FLT3: variants seen among roughly 807,000 people sequenced by gnomAD.
FLT3 encodes fms related receptor tyrosine kinase 3.
A neutral mutation model predicts 126.6 loss-of-function variants in FLT3; 46 were observed. The ratio of observed to expected loss-of-function variants is 0.36; its 90% CI spans 0.29 to 0.46. The LOEUF (loss-of-function observed/expected upper bound fraction) is 0.46, where lower values mean the gene tolerates loss of function less well. FLT3 is among the 20% of genes least tolerant of loss of function. The pLI, the probability that FLT3 is intolerant of heterozygous loss-of-function variation, is 1.00. For synonymous variants in FLT3, 404 were observed against 434.4 expected, an observed-to-expected ratio of 0.93 and a Z score of 0.87; for missense variants, 1,069 against 1,190.3, an observed-to-expected ratio of 0.90 and a Z score of 1.50.
chr13:28,006,694 A>G (rs1410219952), intron 23 of FLT3, among the ~76,000 whole-genome samples: 1 of 134,606 alleles, frequency 7.4e-6, no homozygotes, highest in African/African-American at 2.8e-5. Context: ...GTAATACATC[A>G]CTCTTTTCCA....
chr13:28,100,553 C>T lies in FLT3; in HGVS notation c.-43G>A. 1 of 1,190,390 alleles carries T rather than the reference C, an allele frequency of 8.4e-7. No homozygotes were observed. Among genetic ancestry groups the T allele is most frequent in the Non-Finnish European group, 1.0e-6 (1 of 955,892 alleles). 73.7% of individuals were successfully genotyped at this position (1,190,390 alleles called of 1,614,324 possible). On this transcript the variant is annotated 5_prime_UTR_variant, in exon 1 of 24. Coordinates refer to ENST00000241453, the MANE Select transcript of FLT3 (RefSeq NM_004119.3). The surrounding 1 kb of genome is among the most constrained non-coding windows in gnomAD (Gnocchi z 4.8). Reference sequence around the variant, plus strand: ...GTCCCCAGGCCGCGCCGGCCCAGCCCTGCGATGCCGCCTGGAGCGGCGCGC... The same window carrying T: ...GTCCCCAGGCCGCGCCGGCCCAGCCTTGCGATGCCGCCTGGAGCGGCGCGC...
In FLT3 at chr13:28,082,870, C is replaced by CT. The variant is rs540642027; in HGVS notation, c.44-12259dup. Among the ~76,000 whole-genome samples, 1,137 of 150,778 alleles carry CT rather than the reference C, an allele frequency of 7.5e-3. 7 individuals are homozygous for CT. The highest frequency in any genetic ancestry group is 0.013 in the Non-Finnish European group (859 of 67,530). The stretch of plus-strand genomic sequence containing the variant: ...AGGCACCCACCACCATGCCCAGCTA[C>CT]TTTTTTTTTGTATTTTTAGTAGAGA... On this transcript the variant is annotated intron_variant, in intron 1 of 23. Coordinates refer to ENST00000241453, the MANE Select transcript of FLT3 (RefSeq NM_004119.3).
At position 28,003,464 on chromosome 13, in the gene FLT3, T is replaced by C. The variant is rs1478898311; in HGVS notation, c.*588A>G. On this transcript the variant is annotated 3_prime_UTR_variant, in exon 24 of 24. Transcript: ENST00000241453. ...AATCTTAGGCTGTGACAACCATAGC[T>C]GCCTACACATTCCTTGTATCTTGGG... 8.5e-6 allele frequency: 2 copies of C among 234,740 alleles called. No individual in the cohort carries two copies. The highest frequency in any genetic ancestry group is 5.5e-5 in the Admixed American group (1 of 18,110). 14.5% of individuals were successfully genotyped at this position (234,740 alleles called of 1,614,324 possible).
intron 10 of FLT3, 38 bp downstream of exon 10, chr13:28,037,147 T>G: frequency 8.1e-7 from 1 of 1,234,594 alleles, no homozygotes; most frequent in East Asian, 2.3e-5. Context: ...ATTAAGGAAT[T>G]AAAAAATAAA....
rs10522717 is a variant in FLT3, at chr13:28,053,397, G to GATAT, written c.485-727_485-724dup. On this transcript the variant is annotated intron_variant, in intron 4 of 23. Transcript: ENST00000241453. ...TGTTTGAAAATACTATGTACTGTTT[G>GATAT]ATATATATATATATATATGAAAGAA... 8.7e-3 allele frequency among the ~76,000 whole-genome samples: 1,178 copies of GATAT among 134,890 alleles called. 19 individuals carry two copies. The highest frequency in any genetic ancestry group is 0.015 in the Middle Eastern group (4 of 274). The allele number at this position is 134,890 out of a possible 152,430, so 88.5% of individuals were successfully genotyped here. A position where few individuals can be genotyped will look rare whatever the true frequency, so the allele number is the denominator to read the frequency against.
chr13:28,058,207 T>TGAA (rs373178245), intron 3 of FLT3, among the ~76,000 whole-genome samples: 1 of 127,674 alleles, frequency 7.8e-6, no homozygotes, highest in Non-Finnish European at 1.6e-5. Context: ...TTTTAAAAAT[T>TGAA]AAAAAAAAAA....
Position 28,033,882 on chromosome 13 carries a change from T to C in FLT3, c.1942+5A>G, listed in dbSNP as rs2137672188. 2 of 1,609,752 alleles carry C rather than the reference T, an allele frequency of 1.2e-6. No homozygotes were observed. The highest frequency in any genetic ancestry group is 1.1e-5 in the South Asian group (1 of 90,978). Reference sequence around the variant, plus strand: ...CTTTGTTGCTGTCCTTCCACTATACTGTACCTTTCAGCATTTTGACGGCAA... The same window carrying C: ...CTTTGTTGCTGTCCTTCCACTATACCGTACCTTTCAGCATTTTGACGGCAA... On this transcript the variant is annotated splice_donor_5th_base_variant and intron_variant, in intron 15 of 23. Coordinates refer to ENST00000241453, the MANE Select transcript of FLT3 (RefSeq NM_004119.3).
At position 28,003,999 on chromosome 13, in the gene FLT3, C is replaced by T. The variant is rs1870656907; in HGVS notation, c.*53G>A. The T allele has an allele frequency of 6.2e-6, 10 of 1,601,060 alleles. No individual in the cohort carries two copies. The South Asian group carries it at 9.9e-5, about 16-fold the overall frequency. ...AAATTAATCTTGTTTTGGTAATCTA[C>T]AGCCTGTTAGGGATAGGTGGAGGGA... On this transcript the variant is annotated 3_prime_UTR_variant, in exon 24 of 24. Transcript: ENST00000241453.
At chr13:28,022,138 A>T (rs1229432641) in intron 19 of FLT3, among the ~76,000 whole-genome samples, 1 of 151,988 alleles carries the variant, frequency 6.6e-6, no homozygotes, top group African/African-American at 2.4e-5. Flanking sequence ...CCTGGGCTCA[A>T]GCAATCCTCC....
chr13:28,032,279 G>A (rs1028130225), intron 15 of FLT3, among the ~76,000 whole-genome samples: 171 of 152,278 alleles, frequency 1.1e-3, no homozygotes, highest in African/African-American at 3.8e-3. Context: ...GAAAGGAGAC[G>A]CAAGCATGAG....
chr13:28,051,162 C>T (rs9507989), intron 5 of FLT3, among the ~76,000 whole-genome samples: 29,243 of 152,132 alleles, frequency 0.19, 2,927 homozygotes, highest in Middle Eastern at 0.29. Context: ...TTTAAACAAT[C>T]ATATTAGACT....
chr13:28,038,091 T>G (rs1315916438), intron 9 of FLT3, among the ~76,000 whole-genome samples: 2 of 152,180 alleles, frequency 1.3e-5, no homozygotes, highest in African/African-American at 4.8e-5. Flanking sequence ...AACCCTTGAC[T>G]TACATAGCAA....
chr13:28,084,403 G>A (rs1878518547), intron 1 of FLT3, among the ~76,000 whole-genome samples: 2 of 152,028 alleles, frequency 1.3e-5, no homozygotes, highest in African/African-American at 2.4e-5. Context: ...ACCCAGGGTG[G>A]ACTGCAGTGG....
At chr13:28,014,613 G>A in intron 22 of FLT3, 56 bp from the exon 23 acceptor site, 1 of 1,193,888 alleles carries the variant, frequency 8.4e-7, no homozygotes. Context: ...AAGCAAAATG[G>A]ATCATTTTCC....
intron 9 of FLT3, among the ~76,000 whole-genome samples, chr13:28,038,429 G>A (rs1179165754): frequency 3.3e-5 from 5 of 151,576 alleles, no homozygotes; most frequent in African/African-American, 9.7e-5. Context: ...TATCTAACTC[G>A]ACCTCCACAT....
chr13:28,068,521 TGATATATATCATATATATATATGA>T (rs939819563), intron 2 of FLT3, among the ~76,000 whole-genome samples: 1 of 150,918 alleles, frequency 6.6e-6, no homozygotes, highest in African/African-American at 2.4e-5. Context: ...AAAAAATCTA[TGATATATATCATATATATATATGA>T]GATATATATC....
chr13:28,087,385 T>C lies in FLT3; in HGVS notation c.43+13083A>G, dbSNP rs574674039. Among the ~76,000 whole-genome samples the C allele has an allele frequency of 2.0e-5, 3 of 152,336 alleles. No individual in the cohort carries two copies. In the South Asian group the frequency reaches 6.2e-4, roughly 32 times the overall value. Reference sequence around the variant, plus strand: ...CAATGTTTCTTCACTGTCTTTTGACTTACATAGTTCATGACAAGAAGTCTG... The same window carrying C: ...CAATGTTTCTTCACTGTCTTTTGACCTACATAGTTCATGACAAGAAGTCTG... On this transcript the variant is annotated intron_variant, in intron 1 of 23. Coordinates refer to ENST00000241453, the MANE Select transcript of FLT3 (RefSeq NM_004119.3).
intron 4 of FLT3, among the ~76,000 whole-genome samples, chr13:28,055,318 A>G (rs879330794): frequency 8.5e-5 from 13 of 152,212 alleles, no homozygotes; most frequent in Admixed American, 8.5e-4. Flanking sequence ...ATTTCCTTCT[A>G]TATACTACAC....
intron 1 of FLT3, among the ~76,000 whole-genome samples, chr13:28,085,652 T>C (rs1300872717): frequency 6.8e-6 from 1 of 147,306 alleles, no homozygotes; most frequent in Admixed American, 6.6e-5. Flanking sequence ...GTCCTTTTGA[T>C]GAATCAAGCC....
Sources: allele counts gnomAD v4.1 joint callset (sites outside exome capture counted in the v4.1 genomes callset), GRCh38; gene constraint gnomAD v4.1.1; non-coding constraint Gnocchi (gnomAD v3.1); transcripts MANE v1.5; gene names NCBI Gene and HGNC (gene_info 2026-07-23, HGNC 2026-07-21).